CAST: variants seen among roughly 807,000 people sequenced by gnomAD.
CAST encodes the protein calpastatin.
Under a neutral mutation model 119.6 loss-of-function variants are expected in CAST, and 76 were observed. The ratio of observed to expected loss-of-function variants is 0.64; its 90% CI spans 0.53 to 0.77. The LOEUF (loss-of-function observed/expected upper bound fraction) is 0.77. Among genes scored for constraint, CAST ranks in the 30% least tolerant of loss-of-function variants. The pLI is 0.00. For synonymous variants in CAST, 319 were observed against 331.6 expected, an observed-to-expected ratio of 0.96 and a Z score of 0.41; for missense variants, 953 against 946.5, an observed-to-expected ratio of 1.01 and a Z score of -0.09.
At chr5:96,034,908 T>G in the CAST span, among the ~76,000 whole-genome samples, 1 of 151,388 alleles carries the variant, frequency 6.6e-6, no homozygotes, top group Non-Finnish European at 1.5e-5. Flanking sequence ...ATTTAATGTC[T>G]CTAGGTTCAT....
the CAST span, among the ~76,000 whole-genome samples, chr5:96,138,071 A>G: frequency 6.6e-6 from 1 of 152,022 alleles, no homozygotes; most frequent in Non-Finnish European, 1.5e-5. Flanking sequence ...TAAACCCAAG[A>G]ACACAGGTAT....
chr5:96,310,756 A>G, the CAST span, among the ~76,000 whole-genome samples: 6,140 of 150,832 alleles, frequency 0.041, 168 homozygotes, highest in Non-Finnish European at 0.065. Flanking sequence ...TTTTTGTAGT[A>G]TCAGTCATAA....
At chr5:96,111,465 C>T in the CAST span, among the ~76,000 whole-genome samples, 1,103 of 152,326 alleles carry the variant, frequency 7.2e-3, 7 homozygotes, top group Non-Finnish European at 0.011. Flanking sequence ...AGCTCCTCTT[C>T]CCTCCCCAGA....
At chr5:96,619,491 GC>G (rs1462989538) in intron 1 of CAST, among the ~76,000 whole-genome samples, 9 of 152,220 alleles carry the variant, frequency 5.9e-5, no homozygotes, top group African/African-American at 2.2e-4. Context: ...AAAGCAGGCT[GC>G]CCGAACTAGC....
At chr5:96,557,366 C>A (rs1580823330) in intron 1 of CAST, among the ~76,000 whole-genome samples, 1 of 152,082 alleles carries the variant, frequency 6.6e-6, no homozygotes, top group East Asian at 1.9e-4. Context: ...ACAATATTAA[C>A]CTTAAATGTA....
At chr5:96,290,767 C>T in the CAST span, among the ~76,000 whole-genome samples, 2 of 152,208 alleles carry the variant, frequency 1.3e-5, no homozygotes, top group Non-Finnish European at 2.9e-5. Flanking sequence ...CCTTTACTCT[C>T]TAGTGGAAAG....
At chr5:96,066,738 C>T in the CAST span, among the ~76,000 whole-genome samples, 3 of 152,008 alleles carry the variant, frequency 2.0e-5, no homozygotes, top group Non-Finnish European at 4.4e-5. Flanking sequence ...TACCTTACTG[C>T]AAGCTTGAAC....
At chr5:96,306,814 C>T in the CAST span, among the ~76,000 whole-genome samples, 4 of 152,180 alleles carry the variant, frequency 2.6e-5, no homozygotes, top group African/African-American at 4.8e-5. Flanking sequence ...GTCTGAGAGA[C>T]TGTTTCTTAT....
chr5:96,244,174 C>T, the CAST span, among the ~76,000 whole-genome samples: 1 of 152,150 alleles, frequency 6.6e-6, no homozygotes, highest in Non-Finnish European at 1.5e-5. Flanking sequence ...GCATTTTTTC[C>T]AGTTCTATGA....
chr5:96,299,953 C>G, the CAST span, among the ~76,000 whole-genome samples: 1 of 151,964 alleles, frequency 6.6e-6, no homozygotes. Context: ...ATTTCTTTAT[C>G]TAGTTATTTC....
At chr5:96,172,753 A>G in the CAST span, among the ~76,000 whole-genome samples, 1 of 152,246 alleles carries the variant, frequency 6.6e-6, no homozygotes, top group Non-Finnish European at 1.5e-5. Flanking sequence ...ATTGTAGGAT[A>G]TCATGTAGTT....
chr5:96,260,248 G>A, the CAST span, among the ~76,000 whole-genome samples: 6 of 152,154 alleles, frequency 3.9e-5, no homozygotes, highest in East Asian at 1.9e-4. Flanking sequence ...CAGAACTAGC[G>A]AAAATCTCTA....
chr5:96,690,095 T>C (rs1752553632), intron 2 of CAST, among the ~76,000 whole-genome samples: 1 of 152,106 alleles, frequency 6.6e-6, no homozygotes, highest in African/African-American at 2.4e-5. Flanking sequence ...GGGGTTCCAC[T>C]TGAGATGACA....
intron 1 of CAST, among the ~76,000 whole-genome samples, chr5:96,627,581 T>C (rs1747747316): frequency 6.6e-6 from 1 of 152,340 alleles, no homozygotes; most frequent in East Asian, 1.9e-4. Context: ...CTTAGAAAGC[T>C]ATAAAAATGT....
intron 16 of CAST, among the ~76,000 whole-genome samples, chr5:96,743,952 T>G (rs1042970425): frequency 6.6e-6 from 1 of 152,094 alleles, no homozygotes; most frequent in Non-Finnish European, 1.5e-5. Context: ...CCCAAGCTTC[T>G]TACAGACACT....
chr5:96,088,628 T>A, the CAST span, among the ~76,000 whole-genome samples: 1 of 152,192 alleles, frequency 6.6e-6, no homozygotes, highest in South Asian at 2.1e-4. Flanking sequence ...TCTAGAAAGT[T>A]TTTATATAGT....
chr5:96,008,533 C>T, the CAST span, among the ~76,000 whole-genome samples: 2 of 152,106 alleles, frequency 1.3e-5, no homozygotes, highest in African/African-American at 4.8e-5. Context: ...GGGGAGAAGG[C>T]ACCTTTTCCC....
At position 96,721,295 on chromosome 5, in the gene CAST, C is replaced by CT. The variant is rs201015602; in HGVS notation, c.211-1343dup. Among the ~76,000 whole-genome samples the CT allele has an allele frequency of 6.1e-3, 929 of 152,244 alleles. 10 individuals carry two copies. Among genetic ancestry groups the CT allele is most frequent in the African/African-American group, 0.021 (879 of 41,524 alleles). ...TGATTATTTTTGAAAAATAAGTATA[C>CT]TAAAGCTTTGGATTTCTGTCTGTAA... On this transcript the variant is annotated intron_variant, in intron 3 of 31. Transcript: ENST00000675179.
chr5:96,344,387 A>G, the CAST span, among the ~76,000 whole-genome samples: 2 of 152,164 alleles, frequency 1.3e-5, no homozygotes, highest in Non-Finnish European at 2.9e-5. Context: ...ACTAATGGTT[A>G]TATTTTTTAA....
Sources: allele counts gnomAD v4.1 joint callset (sites outside exome capture counted in the v4.1 genomes callset), GRCh38; gene constraint gnomAD v4.1.1; transcripts MANE v1.5; gene names NCBI Gene and HGNC (gene_info 2026-07-23, HGNC 2026-07-21).